The following ADAMTS17 variants were observed in gnomAD, a reference collection of about 807,000 sequenced individuals.
ADAMTS17 encodes A disintegrin and metalloproteinase with thrombospondin motifs 17.
Under a neutral mutation model 141.5 loss-of-function variants are expected in ADAMTS17, and 113 were observed. That is an observed-to-expected ratio of 0.80 (90% CI 0.69 to 0.93). The LOEUF is 0.93. Ranked by LOEUF, ADAMTS17 falls within the 40% of genes least tolerant of loss-of-function variation. The pLI, the probability that ADAMTS17 is intolerant of heterozygous loss-of-function variation, is 0.00. For missense variants in ADAMTS17, 1,659 were observed against 1,517.9 expected (o/e 1.09, Z -1.54); for synonymous variants, 768 against 630.6 (o/e 1.22, Z -3.27).
At chr15:100,313,159 C>T (rs1298577409) in intron 3 of ADAMTS17, among the ~76,000 whole-genome samples, 7 of 152,156 alleles carry the variant, frequency 4.6e-5, no homozygotes, top group Non-Finnish European at 7.4e-5. Context: ...ATGAAAGCTT[C>T]CATACTTCTT....
chr15:100,107,510 C>T (rs1289976470), intron 14 of ADAMTS17, among the ~76,000 whole-genome samples: 2 of 152,124 alleles, frequency 1.3e-5, no homozygotes, highest in Non-Finnish European at 2.9e-5. Context: ...AGAGCGCTCC[C>T]TGGGTGCTGT....
chr15:99,978,889 G>C (rs2060423268), intron 20 of ADAMTS17: 1 of 152,220 alleles, frequency 6.6e-6, no homozygotes, highest in African/African-American at 2.4e-5. Context: ...TCAGAACCGA[G>C]GGCCTCCGAC....
At chr15:100,137,565 C>T (rs574670502) in intron 10 of ADAMTS17, among the ~76,000 whole-genome samples, 16 of 152,270 alleles carry the variant, frequency 1.1e-4, no homozygotes, top group African/African-American at 3.8e-4. Context: ...CTGCTTTCAG[C>T]GAATAGCAGA....
chr15:100,145,010 C>T (rs530143519), intron 10 of ADAMTS17, among the ~76,000 whole-genome samples: 2 of 152,358 alleles, frequency 1.3e-5, no homozygotes, highest in South Asian at 4.1e-4. Flanking sequence ...CTCCTCAGCA[C>T]TGGTGTGGCT....
chr15:100,313,304 C>T (rs1411645770), intron 3 of ADAMTS17, among the ~76,000 whole-genome samples: 1 of 152,188 alleles, frequency 6.6e-6, no homozygotes, highest in Non-Finnish European at 1.5e-5. Context: ...TGCAATAACA[C>T]TCTGAGGAAA....
intron 6 of ADAMTS17, chr15:100,256,719 C>G (rs1482637126): frequency 2.0e-5 from 3 of 152,662 alleles, no homozygotes; most frequent in African/African-American, 7.2e-5. Context: ...TATGGTGTCT[C>G]CCAGGCACTC....
chr15:100,047,363 G>T (rs2031787973), intron 18 of ADAMTS17, among the ~76,000 whole-genome samples: 1 of 132,480 alleles, frequency 7.5e-6, no homozygotes, highest in Non-Finnish European at 1.5e-5. Flanking sequence ...TGATCTCTGT[G>T]ACCCACACCC....
intron 15 of ADAMTS17, among the ~76,000 whole-genome samples, chr15:100,067,896 A>C (rs889256536): frequency 3.9e-5 from 6 of 152,134 alleles, no homozygotes; most frequent in Non-Finnish European, 8.8e-5. Flanking sequence ...GGAGTGTCGG[A>C]AAGTGGGTGC....
At chr15:100,004,611 G>A (rs1292055108) in intron 18 of ADAMTS17, among the ~76,000 whole-genome samples, 1 of 142,374 alleles carries the variant, frequency 7.0e-6, no homozygotes, top group Admixed American at 7.3e-5. Flanking sequence ...GCATGATACT[G>A]TAATTCTTTT....
At chr15:100,082,645 T>C (rs1182546254) in intron 15 of ADAMTS17, among the ~76,000 whole-genome samples, 1 of 152,096 alleles carries the variant, frequency 6.6e-6, no homozygotes, top group Non-Finnish European at 1.5e-5. Flanking sequence ...TCTTTTTTGT[T>C]TTCTGATTGT....
At chr15:100,251,863 A>G (rs773351775) in intron 7 of ADAMTS17, among the ~76,000 whole-genome samples, 3 of 152,228 alleles carry the variant, frequency 2.0e-5, no homozygotes, top group African/African-American at 7.2e-5. Context: ...AAAGGCCACA[A>G]GAGGACACAG....
intron 18 of ADAMTS17, among the ~76,000 whole-genome samples, chr15:100,039,786 C>T (rs2141530388): frequency 1.3e-5 from 2 of 152,146 alleles, no homozygotes; most frequent in Middle Eastern, 6.8e-3. Flanking sequence ...GTTGATACAC[C>T]TTGTTTTTAA....
At chr15:100,335,586 G>C (rs1330772636) in intron 2 of ADAMTS17, among the ~76,000 whole-genome samples, 3 of 152,226 alleles carry the variant, frequency 2.0e-5, no homozygotes, top group Non-Finnish European at 4.4e-5. Context: ...GCAGGTGCGT[G>C]ATAATGATCT....
chr15:100,263,869 C>A (rs1174554072), intron 4 of ADAMTS17, among the ~76,000 whole-genome samples: 3 of 152,226 alleles, frequency 2.0e-5, no homozygotes, highest in Non-Finnish European at 4.4e-5. Context: ...TCAGCATCAG[C>A]AGCAAGCGTT....
At chr15:100,318,280 C>A (rs12442939) in intron 3 of ADAMTS17, among the ~76,000 whole-genome samples, 2 of 151,894 alleles carry the variant, frequency 1.3e-5, no homozygotes, top group Admixed American at 6.6e-5. Context: ...ACCCGCCCCC[C>A]CTTATAGTTT....
chr15:100,236,283 T>TAA (rs34689590), intron 7 of ADAMTS17, among the ~76,000 whole-genome samples: 4,045 of 128,454 alleles, frequency 0.031, 120 homozygotes, highest in Middle Eastern at 0.045. Context: ...CCCACGACAT[T>TAA]AAAAAAAAAA....
At chr15:100,289,483 C>G (rs973225111) in intron 3 of ADAMTS17, among the ~76,000 whole-genome samples, 4 of 152,010 alleles carry the variant, frequency 2.6e-5, no homozygotes, top group Non-Finnish European at 4.4e-5. Context: ...CTAACTCATT[C>G]TATATGGTCA....
chr15:100,054,345 T>TAGGGGTGG (rs2032388818), intron 15 of ADAMTS17, among the ~76,000 whole-genome samples: 1 of 152,168 alleles, frequency 6.6e-6, no homozygotes, highest in African/African-American at 2.4e-5. Context: ...TAGCTGGGGT[T>TAGGGGTGG]AGGGGTGGAG....
intron 20 of ADAMTS17, among the ~76,000 whole-genome samples, chr15:99,986,776 A>G (rs1043184413): frequency 6.6e-5 from 10 of 152,150 alleles, no homozygotes; most frequent in Non-Finnish European, 1.2e-4. Flanking sequence ...CTCCTCCCCA[A>G]TTTTAAGGGC....
Sources: gnomAD v4.1 joint callset for allele counts (sites outside exome capture counted in the v4.1 genomes callset) on GRCh38, gnomAD v4.1.1 for gene constraint, MANE v1.5 for transcripts, NCBI Gene and HGNC (gene_info 2026-07-23, HGNC 2026-07-21) for gene names.